The following TMEM131 variants were observed in gnomAD, a reference collection of about 807,000 sequenced individuals.
TMEM131 encodes the protein transmembrane protein 131.
TMEM131 carries 66 observed loss-of-function variants against 211.6 expected under a neutral mutation model. That is an observed-to-expected ratio of 0.31 (90% confidence interval 0.26 to 0.38). The LOEUF (loss-of-function observed/expected upper bound fraction) is 0.38. Ranked by LOEUF, TMEM131 falls within the 10% of genes least tolerant of loss-of-function variation. The pLI, the probability that TMEM131 is intolerant of heterozygous loss-of-function variation, is 1.00. For synonymous variants in TMEM131, 844 were observed against 841.3 expected (o/e 1.00, Z -0.06); for missense variants, 2,036 against 2,299.3 (o/e 0.89, Z 2.34).
At chr2:97,780,958 C>T (rs566893551) in intron 31 of TMEM131, among the ~76,000 whole-genome samples, 1 of 152,276 alleles carries the variant, frequency 6.6e-6, no homozygotes, top group South Asian at 2.1e-4. Flanking sequence ...CAGCCAGGTT[C>T]GTCGGGTTCA....
intron 1 of TMEM131, among the ~76,000 whole-genome samples, chr2:97,974,397 GGGAGGAGGA>G (rs141602131): frequency 4.6e-5 from 7 of 151,690 alleles, no homozygotes; most frequent in Non-Finnish European, 8.8e-5. Flanking sequence ...AAATGGGGTT[GGGAGGAGGA>G]GGAGGAGGAG....
chr2:97,822,759 G>A (rs893975238), intron 11 of TMEM131, among the ~76,000 whole-genome samples: 10 of 152,082 alleles, frequency 6.6e-5, no homozygotes, highest in Non-Finnish European at 1.2e-4. Flanking sequence ...GGACTGTTGT[G>A]GGTGCCTGGG....
chr2:97,851,757 T>TA (rs1412658837), intron 5 of TMEM131, among the ~76,000 whole-genome samples: 1 of 152,244 alleles, frequency 6.6e-6, no homozygotes, highest in Non-Finnish European at 1.5e-5. Context: ...CGAAAAATGT[T>TA]ATGTGTGTTC....
intron 1 of TMEM131, among the ~76,000 whole-genome samples, chr2:97,950,226 T>C (rs1264491334): frequency 6.6e-6 from 1 of 152,226 alleles, no homozygotes; most frequent in African/African-American, 2.4e-5. Context: ...CCATGAAAAG[T>C]GTTCGCAAGG....
In TMEM131 at chr2:97,805,182, C is replaced by T. The variant is rs1432942682; in HGVS notation, c.2308G>A (p.Val770Ile). 1 of 1,613,362 alleles carries T rather than the reference C, an allele frequency of 6.2e-7. No homozygotes were observed. Among genetic ancestry groups the T allele is most frequent in the Non-Finnish European group, 8.5e-7 (1 of 1,179,704 alleles). Residue 770 changes from valine (V) to isoleucine (I), a missense_variant, in exon 22 of 41, where the codon GTA (valine) becomes ATA (isoleucine). By Grantham distance (29) the Val-to-Ile change is conservative. Transcript: ENST00000186436. ...SKSEPKVQPGVAMQEDMWDAD... is the reference protein window; with the variant it reads ...SKSEPKVQPGIAMQEDMWDAD... Reference sequence around the variant, plus strand: ...TCCCACATATCTTCCTGCATGGCTACACCAGGCTGCACTTTGGGTTCAGCT... The same window carrying T: ...TCCCACATATCTTCCTGCATGGCTATACCAGGCTGCACTTTGGGTTCAGCT...
intron 18 of TMEM131, among the ~76,000 whole-genome samples, chr2:97,810,612 T>C (rs1244458723): frequency 6.6e-6 from 1 of 152,214 alleles, no homozygotes; most frequent in Non-Finnish European, 1.5e-5. Context: ...ATTCAAAATC[T>C]TACTGAATGC....
intron 17 of TMEM131, 119 bp from the exon 18 acceptor site, chr2:97,811,351 C>T: frequency 1.4e-6 from 1 of 723,056 alleles, no homozygotes; most frequent in Non-Finnish European, 2.5e-6. Flanking sequence ...ACCAGTATGA[C>T]ACTGAATTAC....
chr2:97,940,969 ACTACT>A (rs1677697670), intron 1 of TMEM131, among the ~76,000 whole-genome samples: 1 of 152,200 alleles, frequency 6.6e-6, no homozygotes, highest in African/African-American at 2.4e-5. Context: ...ATTGGAAAAT[ACTACT>A]TTAAAGTTCA....
intron 31 of TMEM131, among the ~76,000 whole-genome samples, chr2:97,784,279 A>T (rs1246534874): frequency 2.6e-5 from 4 of 152,150 alleles, no homozygotes; most frequent in Non-Finnish European, 4.4e-5. Flanking sequence ...ATTCTTTTCA[A>T]GTGCCCATGG....
At chr2:97,799,083 C>T (rs915147097) in intron 25 of TMEM131, among the ~76,000 whole-genome samples, 2 of 152,124 alleles carry the variant, frequency 1.3e-5, no homozygotes, top group Non-Finnish European at 2.9e-5. Context: ...GTATCCACCA[C>T]GATGTCAAAA....
At chr2:97,958,880 A>C (rs1290320352) in intron 1 of TMEM131, among the ~76,000 whole-genome samples, 2 of 152,232 alleles carry the variant, frequency 1.3e-5, no homozygotes, top group Non-Finnish European at 2.9e-5. Flanking sequence ...TCTGCAACTT[A>C]TTACGGGCAG....
chr2:97,790,770 C>T (rs1014398601), intron 31 of TMEM131, among the ~76,000 whole-genome samples: 3 of 152,026 alleles, frequency 2.0e-5, no homozygotes, highest in African/African-American at 7.2e-5. Context: ...TAAAAATTAC[C>T]CTAAAATATG....
chr2:97,926,231 C>A (rs1676986803), intron 2 of TMEM131, among the ~76,000 whole-genome samples: 1 of 152,010 alleles, frequency 6.6e-6, no homozygotes, highest in Admixed American at 6.5e-5. Context: ...AAGGTTGTTG[C>A]TTTGACACTC....
chr2:97,883,416 C>A (rs558253131), intron 4 of TMEM131, among the ~76,000 whole-genome samples: 6 of 152,274 alleles, frequency 3.9e-5, no homozygotes, highest in Non-Finnish European at 5.9e-5. Context: ...ACACTTCTTC[C>A]ACAAATCTTC....
intron 33 of TMEM131, among the ~76,000 whole-genome samples, chr2:97,771,984 T>A (rs577206507): frequency 6.6e-6 from 1 of 152,270 alleles, no homozygotes; most frequent in Admixed American, 6.5e-5. Flanking sequence ...AGGTCATCTT[T>A]GTGCAGAAGT....
At chr2:97,896,957 A>G (rs558871642) in intron 3 of TMEM131, among the ~76,000 whole-genome samples, 1 of 151,932 alleles carries the variant, frequency 6.6e-6, no homozygotes, top group African/African-American at 2.4e-5. Flanking sequence ...CAGTCTTCTA[A>G]TCCATGAACG....
intron 2 of TMEM131, among the ~76,000 whole-genome samples, chr2:97,914,510 G>A (rs1024711557): frequency 1.3e-5 from 2 of 152,254 alleles, no homozygotes; most frequent in East Asian, 1.9e-4. Flanking sequence ...CCAGTGTGTC[G>A]CTTTTATAAT....
chr2:97,900,309 G>C (rs1017469417), intron 3 of TMEM131, among the ~76,000 whole-genome samples: 2 of 151,998 alleles, frequency 1.3e-5, no homozygotes, highest in Non-Finnish European at 2.9e-5. Context: ...CTGAAATTTT[G>C]TGTCTTTTGA....
intron 1 of TMEM131, among the ~76,000 whole-genome samples, chr2:97,961,865 T>C (rs1678833239): frequency 6.6e-6 from 1 of 152,194 alleles, no homozygotes; most frequent in South Asian, 2.1e-4. Flanking sequence ...AAATTGTAGG[T>C]CAATATTTTA....
Sources: allele counts gnomAD v4.1 joint callset (sites outside exome capture counted in the v4.1 genomes callset), GRCh38; gene constraint gnomAD v4.1.1; transcripts MANE v1.5; gene names NCBI Gene and HGNC (gene_info 2026-07-23, HGNC 2026-07-21).